DNAJC2: variants seen among roughly 807,000 people sequenced by gnomAD.
The protein encoded by DNAJC2 is dnaJ homolog subfamily C member 2.
A neutral mutation model predicts 94.0 loss-of-function variants in DNAJC2; 32 were observed. That is an observed-to-expected ratio of 0.34 (90% CI 0.26 to 0.46). The LOEUF (loss-of-function observed/expected upper bound fraction) is 0.46. DNAJC2 is among the 20% of genes least tolerant of loss of function. The pLI is 1.00. For missense variants in DNAJC2, 550 were observed against 719.5 expected, an observed-to-expected ratio of 0.76 and a Z score of 2.69; for synonymous variants, 210 against 229.7, an observed-to-expected ratio of 0.91 and a Z score of 0.77.
chr7:103,314,117 CT>C (rs1586059075), intron 15 of DNAJC2: 2 of 985,354 alleles, frequency 2.0e-6, no homozygotes, highest in Non-Finnish European at 2.4e-6. Flanking sequence ...GCCTAAGAAG[CT>C]TTTTTGAAGG....
chr7:103,342,648 A>T (rs1819422569), intron 1 of DNAJC2, among the ~76,000 whole-genome samples: 1 of 129,760 alleles, frequency 7.7e-6, no homozygotes, highest in Non-Finnish European at 1.6e-5. Flanking sequence ...TTGCTCTGTC[A>T]CCCAGGCTGG....
chr7:103,321,857 C>G (rs1440990760), intron 10 of DNAJC2, 75 bp downstream of exon 10: 1 of 1,513,664 alleles, frequency 6.6e-7, no homozygotes, highest in Non-Finnish European at 9.0e-7. Flanking sequence ...AAAAAACAAA[C>G]AAACAAAAAG....
chr7:103,334,287 C>T (rs1335328439), intron 3 of DNAJC2, among the ~76,000 whole-genome samples: 1 of 151,146 alleles, frequency 6.6e-6, no homozygotes, highest in Non-Finnish European at 1.5e-5. Context: ...TTTGGCTGGG[C>T]ACGGTGGCTC....
In DNAJC2 at chr7:103,317,000, A is replaced by G. The variant is rs369210123; in HGVS notation, c.1257T>C (p.Asn419=). 2.5e-6 allele frequency: 4 copies of G among 1,612,974 alleles called. No individual in the cohort carries two copies. Among genetic ancestry groups the G allele is most frequent in the African/African-American group, 2.7e-5 (2 of 74,774 alleles). ...CCTCTTTCTCTTTTCTGATTTGCTCATTTATTTCTTCTATCTGCACAAATA... is the reference window on the plus strand; with the variant it reads ...CCTCTTTCTCTTTTCTGATTTGCTCGTTTATTTCTTCTATCTGCACAAATA... ...AALEKQIEEI[N]EQIRKEKEEA... Residue 419 remains asparagine, a synonymous_variant, in exon 13 of 17, where the codon AAT becomes AAC. Coordinates refer to ENST00000379263, the MANE Select transcript of DNAJC2 (RefSeq NM_014377.3).
chr7:103,328,589 C>T (rs970519230), intron 3 of DNAJC2, among the ~76,000 whole-genome samples: 6 of 152,056 alleles, frequency 3.9e-5, no homozygotes, highest in African/African-American at 1.4e-4. Flanking sequence ...TGAGATGGCG[C>T]CACTGCATTC....
intron 10 of DNAJC2, among the ~76,000 whole-genome samples, chr7:103,320,181 C>G (rs1290095679): frequency 6.6e-6 from 1 of 152,132 alleles, no homozygotes; most frequent in African/African-American, 2.4e-5. Flanking sequence ...CTCCACCTCC[C>G]GGGTTCAAGC....
In DNAJC2 at chr7:103,315,876, G is replaced by T. The variant is rs1251783465; in HGVS notation, c.1529-5C>A. 1.2e-6 allele frequency: 2 copies of T among 1,600,054 alleles called. No homozygotes were observed. The highest frequency in any genetic ancestry group is 8.5e-7 in the Non-Finnish European group (1 of 1,170,490). On this transcript the variant is annotated splice_region_variant and splice_polypyrimidine_tract_variant and intron_variant, in intron 14 of 16. Transcript: ENST00000379263. ...TGTCATCTTTTTGATGAGGGTCTGA[G>T]AAATGAAAAAAATTTAATACTTAAC...
chr7:103,317,163 C>T, intron 12 of DNAJC2, 149 bp from the exon 13 acceptor site: 2 of 677,366 alleles, frequency 3.0e-6, no homozygotes, highest in Non-Finnish European at 2.4e-6. Flanking sequence ...AAAAGAAGCA[C>T]CAGCTTTTCA....
rs61749913 is a variant in DNAJC2, at chr7:103,313,097, T to C, written c.1641A>G (p.Pro547=). 51,116 of 1,598,920 alleles carry C rather than the reference T, an allele frequency of 0.032. 962 individuals are homozygous for C. The highest frequency in any genetic ancestry group is 0.036 in the Non-Finnish European group (41,881 of 1,176,072). The change falls in exon 16 of 17, where the codon CCA becomes CCG. Residue 547 remains proline (P), a synonymous_variant. Transcript: ENST00000379263. ...NATPSERFEG[P]YTDFTPWTTE... ...TTGTCCAAGGGGTGAAGTCTGTATA[T>C]GGACCTGATTAAGAAAAATTTTTAT... is the stretch of plus-strand genomic sequence containing the variant.
chr7:103,314,300 C>G (rs1032456158), intron 15 of DNAJC2: 1 of 985,254 alleles, frequency 1.0e-6, no homozygotes, highest in African/African-American at 1.7e-5. Context: ...CGTACTGTTG[C>G]AAAACTCCTA....
rs569110387 is a variant in DNAJC2, at chr7:103,329,774, T to G, written c.332-2020A>C. The stretch of plus-strand genomic sequence containing the variant: ...ACTGACCACAGCTTTCTAATATATT[T>G]GATCGTAACTTCCAAAAACTGTGTA... On this transcript the variant is annotated intron_variant, in intron 3 of 16. Transcript: ENST00000379263. 2.8e-4 allele frequency among the ~76,000 whole-genome samples: 43 copies of G among 152,374 alleles called. 1 individual carries two copies. In the South Asian group the frequency reaches 7.9e-3, roughly 28 times the overall value.
Position 103,319,816 on chromosome 7 carries a change from G to T in DNAJC2, c.1112C>A (p.Ala371Glu). Residue 371 changes from alanine to glutamate, a missense_variant, in exon 11 of 17, where the codon GCA (alanine) becomes GAA (glutamate). By Grantham distance (107) the Ala-to-Glu change is moderately radical. Around this residue, in one of 2 missense-constraint regions of DNAJC2, gnomAD observed 271 missense variants for 302.6 expected, o/e 0.90. Coordinates refer to ENST00000379263, the MANE Select transcript of DNAJC2 (RefSeq NM_014377.3). ...KTWNHFSDNE[A>E]ERVKMMEEVE... ...TTCTTCCATCATTTTAACCCGCTCTGCCTCATTATCAGAAAAATGATTCCA... is the reference window on the plus strand; with the variant it reads ...TTCTTCCATCATTTTAACCCGCTCTTCCTCATTATCAGAAAAATGATTCCA... 5 of 1,614,128 alleles carry T rather than the reference G, an allele frequency of 3.1e-6. No homozygotes were observed. Among genetic ancestry groups the T allele is most frequent in the Non-Finnish European group, 4.2e-6 (5 of 1,180,016 alleles).
chr7:103,344,405 A>T, intron 1 of DNAJC2, 154 bp downstream of exon 1: 2 of 767,068 alleles, frequency 2.6e-6, no homozygotes, highest in Non-Finnish European at 4.3e-6. Context: ...GGATTACTTT[A>T]AAACACGGAG....
chr7:103,312,741 T>A (rs539852099), intron 16 of DNAJC2, 98 bp from the exon 17 acceptor site: 1 of 1,547,430 alleles, frequency 6.5e-7, no homozygotes, highest in Non-Finnish European at 8.7e-7. Flanking sequence ...CTAAGATAGA[T>A]AGTACTAAAT....
Position 103,324,510 on chromosome 7 carries a change from C to G in DNAJC2, c.625G>C (p.Glu209Gln), listed in dbSNP as rs755578512. 5 of 1,497,018 alleles carry G rather than the reference C, an allele frequency of 3.3e-6. No individual in the cohort carries two copies. The highest frequency in any genetic ancestry group is 2.7e-6 in the Non-Finnish European group (3 of 1,111,706). The allele number at this position is 1,497,018 out of a possible 1,614,324, so 92.7% of individuals were successfully genotyped here. Residue 209 changes from glutamate to glutamine, a missense_variant, in exon 6 of 17, where the codon GAA (glutamate) becomes CAA (glutamine). This residue lies in a region of DNAJC2 where 279 missense variants were observed against 416.9 expected (regional missense o/e 0.67). Transcript: ENST00000379263. ...AAAGAATAAAATATATCTACATCTTCAAATGATGAATTCATATCACCAAGT... is the reference window on the plus strand; with the variant it reads ...AAAGAATAAAATATATCTACATCTTGAAATGATGAATTCATATCACCAAGT... The part of the protein sequence containing the change: ...PKLGDMNSSF[E>Q]DVDIFYSFWY...
At chr7:103,327,862 T>C (rs1818789410) in intron 3 of DNAJC2, 108 bp from the exon 4 acceptor site, 1 of 621,824 alleles carries the variant, frequency 1.6e-6, no homozygotes, top group East Asian at 2.8e-5. Flanking sequence ...TAGAATCTTT[T>C]CTCCCACAGT....
intron 10 of DNAJC2, among the ~76,000 whole-genome samples, chr7:103,321,481 G>T (rs1179971348): frequency 6.6e-6 from 1 of 151,674 alleles, no homozygotes; most frequent in African/African-American, 2.4e-5. Context: ...TCGTGCCATT[G>T]CACTCCAGAC....
chr7:103,317,097 C>A, intron 12 of DNAJC2, 83 bp from the exon 13 acceptor site: 1 of 1,198,122 alleles, frequency 8.3e-7, no homozygotes, highest in South Asian at 1.4e-5. Flanking sequence ...GCTTTGTGGT[C>A]CTCAACTCTC....
At chr7:103,322,203 G>A (rs1818458081) in intron 9 of DNAJC2, 122 bp from the exon 10 acceptor site, 1 of 734,574 alleles carries the variant, frequency 1.4e-6, no homozygotes, top group South Asian at 3.6e-5. Context: ...TAAACTTATT[G>A]AAAACTGAAG....
Sources: allele counts gnomAD v4.1 joint callset (sites outside exome capture counted in the v4.1 genomes callset), GRCh38; gene constraint gnomAD v4.1.1; regional missense constraint gnomAD v4.1.1; transcripts MANE v1.5; gene names NCBI Gene and HGNC (gene_info 2026-07-23, HGNC 2026-07-21).